The following NAA35 variants were observed in gnomAD, a reference collection of about 807,000 sequenced individuals.
NAA35 encodes MAK10 homolog, amino-acid N-acetyltransferase subunit.
NAA35 carries 18 observed loss-of-function variants against 101.7 expected under a neutral mutation model. The ratio of observed to expected loss-of-function variants is 0.18; its 90% CI spans 0.12 to 0.26. NAA35 has a LOEUF of 0.26. NAA35 is among the 10% of genes least tolerant of loss of function. The probability of loss-of-function intolerance (pLI) is 1.00; values close to 1 mark genes in which losing one functional copy is unlikely to be tolerated. For synonymous variants in NAA35, 267 were observed against 273.1 expected (o/e 0.98, Z 0.22); for missense variants, 601 against 886.8 (o/e 0.68, Z 4.09).
intron 21 of NAA35, among the ~76,000 whole-genome samples, chr9:86,019,604 TG>T (rs1474712740): frequency 1.3e-5 from 2 of 152,180 alleles, no homozygotes; most frequent in Non-Finnish European, 2.9e-5. Flanking sequence ...AAAATAAACT[TG>T]GAAAAAAATT....
At chr9:85,966,952 C>G (rs1829767728) in intron 6 of NAA35, among the ~76,000 whole-genome samples, 1 of 152,144 alleles carries the variant, frequency 6.6e-6, no homozygotes, top group Admixed American at 6.5e-5. Flanking sequence ...ACTGAAAATA[C>G]AAAAATTAGC....
intron 6 of NAA35, among the ~76,000 whole-genome samples, chr9:85,966,951 A>G (rs1041567662): frequency 5.3e-5 from 8 of 152,204 alleles, no homozygotes; most frequent in African/African-American, 1.9e-4. Flanking sequence ...TACTGAAAAT[A>G]CAAAAATTAG....
At chr9:86,021,087 A>G in intron 22 of NAA35, 118 bp downstream of exon 22, 1 of 699,902 alleles carries the variant, frequency 1.4e-6, no homozygotes, top group Non-Finnish European at 2.2e-6. Context: ...AATCATTCTA[A>G]AAATTTTAGT....
intron 11 of NAA35, among the ~76,000 whole-genome samples, chr9:85,990,940 C>G (rs1298055698): frequency 6.6e-6 from 1 of 152,140 alleles, no homozygotes; most frequent in Non-Finnish European, 1.5e-5. Flanking sequence ...AGAGATAAAC[C>G]TAGAGCAGGA....
In NAA35 at chr9:86,004,962, A is replaced by G. The variant is rs192942280; in HGVS notation, c.1116+1318A>G. Among the ~76,000 whole-genome samples, 249 of 152,340 alleles carry G rather than the reference A, an allele frequency of 1.6e-3. 1 individual carries two copies. The highest frequency in any genetic ancestry group is 3.8e-3 in the African/African-American group (157 of 41,580). ...CTCTATGTAGTGTCTTCCAGAAAAT[A>G]AAAGAGGCAAGAACACTCATATGAG... On this transcript the variant is annotated intron_variant, in intron 13 of 22. Transcript: ENST00000361671.
intron 2 of NAA35, among the ~76,000 whole-genome samples, chr9:85,950,167 G>C (rs570180464): frequency 6.6e-6 from 1 of 152,206 alleles, no homozygotes; most frequent in South Asian, 2.1e-4. Flanking sequence ...GATCATGCAG[G>C]GTGGGGCTTG....
chr9:85,944,916 C>T (rs781571784), intron 2 of NAA35, among the ~76,000 whole-genome samples: 15 of 152,160 alleles, frequency 9.9e-5, no homozygotes, highest in Non-Finnish European at 1.9e-4. Flanking sequence ...AACCACAGGT[C>T]GGCAGAATTT....
chr9:86,021,047 A>G (rs1264930614), intron 22 of NAA35, 78 bp downstream of exon 22: 1 of 1,065,142 alleles, frequency 9.4e-7, no homozygotes, highest in Admixed American at 2.5e-5. Flanking sequence ...ATGTGTAAAT[A>G]TTACAGGAAA....
chr9:85,992,400 G>T (rs1197374507), intron 11 of NAA35, among the ~76,000 whole-genome samples: 2 of 152,012 alleles, frequency 1.3e-5, no homozygotes, highest in Non-Finnish European at 2.9e-5. Flanking sequence ...ATTTATATGA[G>T]TGTCCCCCCA....
At chr9:85,958,010 C>G (rs1829348985) in intron 3 of NAA35, among the ~76,000 whole-genome samples, 1 of 151,464 alleles carries the variant, frequency 6.6e-6, no homozygotes, top group Admixed American at 6.6e-5. Flanking sequence ...AGTGCAATCT[C>G]AGCTCACCGT....
At chr9:85,979,736 C>G (rs930324697) in intron 11 of NAA35, among the ~76,000 whole-genome samples, 4 of 152,210 alleles carry the variant, frequency 2.6e-5, no homozygotes, top group Admixed American at 2.6e-4. Flanking sequence ...CCTGTGCTCT[C>G]ACACCACCAC....
At chr9:86,003,524 A>T in intron 12 of NAA35, 61 bp from the exon 13 acceptor site, 1 of 917,486 alleles carries the variant, frequency 1.1e-6, no homozygotes, top group Non-Finnish European at 1.7e-6. Flanking sequence ...AGTCTGATGA[A>T]GTGTTTTTAG....
intron 1 of NAA35, 120 bp downstream of exon 1, chr9:85,941,393 CGCT>C (rs1330962189): frequency 1.0e-6 from 1 of 985,372 alleles, no homozygotes; most frequent in Non-Finnish European, 1.2e-6. Context: ...CCGGCCCTCC[CGCT>C]GCGCGTCAGG....
intron 11 of NAA35, among the ~76,000 whole-genome samples, chr9:85,990,570 AG>A (rs1159881467): frequency 6.6e-6 from 1 of 152,214 alleles, no homozygotes; most frequent in Admixed American, 6.5e-5. Flanking sequence ...AATACAGCAA[AG>A]AATGAATGAT....
intron 11 of NAA35, among the ~76,000 whole-genome samples, chr9:85,981,483 T>G (rs1048808175): frequency 6.6e-6 from 1 of 152,174 alleles, no homozygotes; most frequent in African/African-American, 2.4e-5. Context: ...AATCAAACTC[T>G]GAGATGATAA....
At chr9:86,014,375 G>A in intron 17 of NAA35, 7 of 982,504 alleles carry the variant, frequency 7.1e-6, no homozygotes, top group Non-Finnish European at 7.3e-6. Flanking sequence ...CTTCGGCAGA[G>A]TAGTTCTTCC....
At chr9:85,946,684 AT>A (rs111378968) in intron 2 of NAA35, among the ~76,000 whole-genome samples, 34 of 146,026 alleles carry the variant, frequency 2.3e-4, no homozygotes, top group East Asian at 1.8e-3. Flanking sequence ...TTTTTTTGCG[AT>A]TTTTTTTTTT....
chr9:85,966,160 CA>C (rs1318275184), intron 6 of NAA35, among the ~76,000 whole-genome samples: 1 of 152,054 alleles, frequency 6.6e-6, no homozygotes, highest in African/African-American at 2.4e-5. Flanking sequence ...AGGCTGGTCT[CA>C]AACTGCAATG....
chr9:85,958,092 C>T (rs1035575960), intron 3 of NAA35, among the ~76,000 whole-genome samples: 1 of 152,038 alleles, frequency 6.6e-6, no homozygotes, highest in African/African-American at 2.4e-5. Context: ...CAGACATGCA[C>T]CACCACACCC....
Sources: allele counts gnomAD v4.1 joint callset (sites outside exome capture counted in the v4.1 genomes callset), GRCh38; gene constraint gnomAD v4.1.1; transcripts MANE v1.5; gene names NCBI Gene and HGNC (gene_info 2026-07-23, HGNC 2026-07-21).